The following GLIS3 variants were observed in gnomAD, a reference collection of about 807,000 sequenced individuals.
GLIS3 encodes GLIS family zinc finger 3, also known as zinc finger protein GLIS3.
In GLIS3, 53 loss-of-function variants were observed where a neutral mutation model predicts 78.6. That is an observed-to-expected ratio of 0.67 (90% confidence interval 0.54 to 0.85). GLIS3 has a LOEUF of 0.85. Ranked by LOEUF, GLIS3 falls within the 40% of genes least tolerant of loss-of-function variation. The probability of loss-of-function intolerance (pLI) is 0.00; values close to 1 mark genes in which losing one functional copy is unlikely to be tolerated. For synonymous variants in GLIS3, 684 were observed against 509.9 expected (o/e 1.34, Z -4.60); for missense variants, 1,703 against 1,231.1 (o/e 1.38, Z -5.74).
chr9:4,295,167 G>A (rs564742146), intron 1 of GLIS3, among the ~76,000 whole-genome samples: 2 of 152,248 alleles, frequency 1.3e-5, no homozygotes, highest in Admixed American at 6.5e-5. Context: ...GTTCAATACT[G>A]AAACCAGGCA....
rs1464854570 is a variant in GLIS3, at chr9:4,118,282, T to C, written c.1196A>G (p.Glu399Gly). 1 of 1,585,184 alleles carries C rather than the reference T, an allele frequency of 6.3e-7. No individual in the cohort carries two copies. The highest frequency in any genetic ancestry group is 1.8e-5 in the Admixed American group (1 of 56,406). ...CAGGCCTGGCTGCAGGCCGCCGTGC[T>C]CCAGCTGTTGCATGCGCTCGTGCTC... ...ALEHERMQQL[E>G]HGGLQPGLVN... Residue 399 changes from glutamate to glycine, a missense_variant, in exon 4 of 11, where the codon GAG (glutamate) becomes GGG (glycine). By Grantham distance (98) the Glu-to-Gly change is moderately conservative. Coordinates refer to ENST00000381971, the MANE Select transcript of GLIS3 (RefSeq NM_001042413.2). This position sits in a 1 kb window ranked among gnomAD's most constrained non-coding sequence, Gnocchi z 4.7.
intron 8 of GLIS3, among the ~76,000 whole-genome samples, chr9:3,875,875 T>G (rs1291043571): frequency 5.9e-5 from 9 of 152,150 alleles, no homozygotes; most frequent in Non-Finnish European, 1.2e-4. Flanking sequence ...CTCCTTCCTC[T>G]CCATTTCCCC....
chr9:4,359,399 G>A, the GLIS3 span, among the ~76,000 whole-genome samples: 1 of 152,252 alleles, frequency 6.6e-6, no homozygotes, highest in South Asian at 2.1e-4. Flanking sequence ...TTCCTTCACA[G>A]CAAAGAGCAG....
At chr9:4,150,145 G>C (rs946257825) in intron 2 of GLIS3, among the ~76,000 whole-genome samples, 1 of 152,104 alleles carries the variant, frequency 6.6e-6, no homozygotes, top group African/African-American at 2.4e-5. Context: ...CTCCCATACA[G>C]ACCCAAAGCT....
At chr9:3,884,655 A>G (rs538714034) in intron 7 of GLIS3, among the ~76,000 whole-genome samples, 1 of 152,276 alleles carries the variant, frequency 6.6e-6, no homozygotes, top group Admixed American at 6.5e-5. Flanking sequence ...AGACTTATTG[A>G]GCATTTATAA....
intron 2 of GLIS3, among the ~76,000 whole-genome samples, chr9:4,260,566 CAA>C (rs372293678): frequency 0.032 from 3,753 of 116,898 alleles, 167 homozygotes; most frequent in African/African-American, 0.11. Context: ...GACTCTGTCT[CAA>C]AAAAAAAAAA....
chr9:3,987,175 T>C (rs1029566900), intron 4 of GLIS3, among the ~76,000 whole-genome samples: 6 of 152,018 alleles, frequency 3.9e-5, no homozygotes, highest in Non-Finnish European at 7.4e-5. Flanking sequence ...ATAATAGTAA[T>C]ACAGATTTTA....
the GLIS3 span, among the ~76,000 whole-genome samples, chr9:4,361,052 T>C: frequency 0.14 from 21,679 of 152,210 alleles, 1,879 homozygotes; most frequent in Middle Eastern, 0.31. Context: ...CAGTCAAGAG[T>C]ACACATGAAA....
At chr9:4,279,277 A>C (rs10974431) in intron 2 of GLIS3, among the ~76,000 whole-genome samples, 1 of 128,398 alleles carries the variant, frequency 7.8e-6, no homozygotes, top group African/African-American at 2.9e-5. Context: ...CAGCCTGGGC[A>C]ACAGAGCAAG....
intron 1 of GLIS3, among the ~76,000 whole-genome samples, chr9:4,287,674 T>A (rs1563902281): frequency 6.6e-6 from 1 of 152,146 alleles, no homozygotes. Flanking sequence ...TTTTTGTGTA[T>A]GATCCACTCA....
intron 4 of GLIS3, among the ~76,000 whole-genome samples, chr9:4,051,672 T>A (rs1027480630): frequency 6.6e-6 from 1 of 152,306 alleles, no homozygotes; most frequent in South Asian, 2.1e-4. Flanking sequence ...AAAAAGAACA[T>A]AGCAATAATT....
chr9:4,029,223 T>C (rs150943229), intron 4 of GLIS3, among the ~76,000 whole-genome samples: 16 of 152,302 alleles, frequency 1.1e-4, no homozygotes, highest in African/African-American at 3.8e-4. Flanking sequence ...GAAACTCTCA[T>C]CTAGTCAAAT....
Position 3,825,589 on chromosome 9 carries a change from A to C in GLIS3, c.*2683T>G, listed in dbSNP as rs967428399. ...AAGACTTAAAAAGACCAGGACATGA[A>C]AGGGAATGATTTTTTTGAAGTTTCC... On this transcript the variant is annotated 3_prime_UTR_variant, in exon 11 of 11. Coordinates refer to ENST00000381971, the MANE Select transcript of GLIS3 (RefSeq NM_001042413.2). 2.0e-5 allele frequency: 3 copies of C among 152,082 alleles called. No homozygotes were observed. Among genetic ancestry groups the C allele is most frequent in the African/African-American group, 7.3e-5 (3 of 41,314 alleles). The allele number at this position is 152,082 out of a possible 1,614,324, so 9.4% of individuals were successfully genotyped here.
At chr9:3,879,109 T>C (rs1192705094) in intron 8 of GLIS3, among the ~76,000 whole-genome samples, 1 of 152,116 alleles carries the variant, frequency 6.6e-6, no homozygotes, top group African/African-American at 2.4e-5. Context: ...TCGACCTGCA[T>C]ATACATTACC....
the GLIS3 span, among the ~76,000 whole-genome samples, chr9:4,481,076 A>AGCTC: frequency 6.6e-6 from 1 of 152,102 alleles, no homozygotes; most frequent in African/African-American, 2.4e-5. Context: ...GTCTGGTCTC[A>AGCTC]AACTCCTGGG....
intron 4 of GLIS3, among the ~76,000 whole-genome samples, chr9:3,991,769 C>T (rs12555420): frequency 0.086 from 12,324 of 143,174 alleles, 716 homozygotes; most frequent in Middle Eastern, 0.19. Context: ...CGGCTCACTG[C>T]AAGCTCCGCC....
chr9:4,280,957 C>A (rs1209097739), intron 2 of GLIS3, among the ~76,000 whole-genome samples: 1 of 152,168 alleles, frequency 6.6e-6, no homozygotes, highest in Non-Finnish European at 1.5e-5. Flanking sequence ...CAGTTCATAG[C>A]ATGCTCAGTG....
the GLIS3 span, among the ~76,000 whole-genome samples, chr9:4,408,341 G>C: frequency 6.6e-6 from 1 of 151,610 alleles, no homozygotes; most frequent in Non-Finnish European, 1.5e-5. Context: ...CTGTTCACAA[G>C]AGCCAAGATT....
the GLIS3 span, among the ~76,000 whole-genome samples, chr9:4,423,044 C>G: frequency 6.6e-6 from 1 of 152,060 alleles, no homozygotes; most frequent in Non-Finnish European, 1.5e-5. Flanking sequence ...TCAGAAGCAG[C>G]AGTGGGGACA....
Sources: allele counts gnomAD v4.1 joint callset (sites outside exome capture counted in the v4.1 genomes callset), GRCh38; gene constraint gnomAD v4.1.1; non-coding constraint Gnocchi (gnomAD v3.1); transcripts MANE v1.5; gene names NCBI Gene and HGNC (gene_info 2026-07-23, HGNC 2026-07-21).